The following CSRP1 variants were observed in gnomAD, a reference collection of about 807,000 sequenced individuals.
The protein encoded by CSRP1 is cysteine and glycine-rich protein 1.
Under a neutral mutation model 25.4 loss-of-function variants are expected in CSRP1, and 16 were observed. The observed-to-expected ratio is 0.63, with a 90% CI of 0.43 to 0.96. The LOEUF (loss-of-function observed/expected upper bound fraction) is 0.96, where lower values mean the gene tolerates loss of function less well. Ranked by LOEUF, CSRP1 falls within the 40% of genes least tolerant of loss-of-function variation. The pLI, the probability that CSRP1 is intolerant of heterozygous loss-of-function variation, is 0.00. For synonymous variants in CSRP1, 97 were observed against 95.3 expected, an observed-to-expected ratio of 1.02 and a Z score of -0.10; for missense variants, 212 against 243.6, an observed-to-expected ratio of 0.87 and a Z score of 0.86.
intron 1 of CSRP1, among the ~76,000 whole-genome samples, chr1:201,498,898 C>G (rs1211602090): frequency 6.6e-6 from 1 of 152,200 alleles, no homozygotes; most frequent in Non-Finnish European, 1.5e-5. Context: ...GCTGGGGGAT[C>G]TAGGTAGACC....
intron 1 of CSRP1, among the ~76,000 whole-genome samples, chr1:201,503,063 T>G (rs931180208): frequency 6.6e-6 from 1 of 152,036 alleles, no homozygotes; most frequent in African/African-American, 2.4e-5. Flanking sequence ...GGAGAATTGC[T>G]TGAACCCGGA....
At chr1:201,505,022 C>A (rs1191742676) in intron 1 of CSRP1, among the ~76,000 whole-genome samples, 2 of 152,174 alleles carry the variant, frequency 1.3e-5, no homozygotes, top group Non-Finnish European at 2.9e-5. Context: ...ATCGCTTGAA[C>A]CCAGGAGGCA....
At chr1:201,504,279 A>T (rs1664749160) in intron 1 of CSRP1, among the ~76,000 whole-genome samples, 1 of 152,214 alleles carries the variant, frequency 6.6e-6, no homozygotes, top group African/African-American at 2.4e-5. Context: ...TAAAATGGAG[A>T]GCATCAGTAG....
Position 201,485,317 on chromosome 1 carries a change from G to T in CSRP1, c.471C>A (p.Thr157=). 3 of 1,614,166 alleles carry T rather than the reference G, an allele frequency of 1.9e-6. No individual in the cohort carries two copies. The highest frequency in any genetic ancestry group is 2.5e-6 in the Non-Finnish European group (3 of 1,180,012). ...AAATCTCGCCATCCTTGTCTGCCAG[G>T]GTGGTTGACTCAAGGCCTTTGCCAC... The part of the protein sequence containing the change: ...AKCGKGLEST[T]LADKDGEIYC... The change falls in exon 5 of 6, where the codon ACC becomes ACA. Residue 157 remains threonine, a synonymous_variant. Transcript: ENST00000340006.
At chr1:201,491,699 C>T (rs1329994988) in intron 2 of CSRP1, 2 of 152,232 alleles carry the variant, frequency 1.3e-5, no homozygotes, top group Non-Finnish European at 2.9e-5. Context: ...TTTACTTGTC[C>T]TGTAATCCTA....
At chr1:201,492,489 A>C (rs924551812) in intron 2 of CSRP1, 21 of 152,176 alleles carry the variant, frequency 1.4e-4, no homozygotes, top group African/African-American at 5.1e-4. Flanking sequence ...GGGAATTTTA[A>C]AGGCAGGCCT....
At chr1:201,498,997 G>A (rs953967245) in intron 1 of CSRP1, among the ~76,000 whole-genome samples, 6 of 152,216 alleles carry the variant, frequency 3.9e-5, no homozygotes, top group South Asian at 2.1e-4. Context: ...GACATGCCCC[G>A]CAGGAATTTC....
In CSRP1 at chr1:201,484,609, G is replaced by T; in HGVS notation, c.*104C>A. 2.7e-6 allele frequency: 3 copies of T among 1,096,706 alleles called. No individual in the cohort carries two copies. The highest frequency in any genetic ancestry group is 4.0e-6 in the Non-Finnish European group (3 of 748,332). 67.9% of individuals were successfully genotyped at this position (1,096,706 alleles called of 1,614,324 possible). On this transcript the variant is annotated 3_prime_UTR_variant, in exon 6 of 6. Coordinates refer to ENST00000340006, the MANE Select transcript of CSRP1 (RefSeq NM_004078.3). The stretch of plus-strand genomic sequence containing the variant: ...AAGTTCAAGTCATTAGTGATATGTG[G>T]CAGGGCTGACAGAGAAATAATCCTG...
chr1:201,491,310 A>C (rs1489750185), intron 2 of CSRP1: 1 of 152,170 alleles, frequency 6.6e-6, no homozygotes, highest in Non-Finnish European at 1.5e-5. Flanking sequence ...TAAAAATAAA[A>C]ATAAAGTTAA....
chr1:201,485,678 C>A, intron 4 of CSRP1: 1 of 386,578 alleles, frequency 2.6e-6, no homozygotes, highest in Non-Finnish European at 4.8e-6. Context: ...AGCTGTTACC[C>A]CACTGGCTGG....
At chr1:201,496,325 G>A in intron 1 of CSRP1, 21 bp from the exon 2 acceptor site, 12 of 1,563,400 alleles carry the variant, frequency 7.7e-6, no homozygotes, top group Non-Finnish European at 1.1e-5. Flanking sequence ...ACACAGAAAT[G>A]GGAATTAATT....
intron 1 of CSRP1, among the ~76,000 whole-genome samples, chr1:201,500,531 G>A (rs1339623605): frequency 6.6e-6 from 1 of 152,274 alleles, no homozygotes; most frequent in Non-Finnish European, 1.5e-5. Context: ...TAGGGCGAGG[G>A]TGGGGGGTCT....
At chr1:201,494,827 C>CGT (rs770766185) in intron 2 of CSRP1, among the ~76,000 whole-genome samples, 3 of 126,824 alleles carry the variant, frequency 2.4e-5, no homozygotes, top group East Asian at 2.3e-4. Context: ...CAGCAGTGTG[C>CGT]GTGTGTGTGT....
chr1:201,484,160 CTG>C lies in CSRP1; in HGVS notation c.*551_*552del. 1.3e-5 allele frequency: 8 copies of C among 631,302 alleles called. No individual in the cohort carries two copies. The highest frequency in any genetic ancestry group is 2.1e-5 in the Non-Finnish European group (7 of 340,392). 39.1% of individuals were successfully genotyped at this position (631,302 alleles called of 1,614,324 possible). A position where few individuals can be genotyped will look rare whatever the true frequency, so the allele number is the denominator to read the frequency against. ...TGGAGAAGCAGGGGCTCCTAGGACC[CTG>C]CCTGCATGCCTCTCTGCCTCCAATA... On this transcript the variant is annotated 3_prime_UTR_variant, in exon 6 of 6. Transcript: ENST00000340006.
intron 4 of CSRP1, chr1:201,487,159 C>T (rs557562315): frequency 2.4e-6 from 1 of 410,344 alleles, no homozygotes; most frequent in Admixed American, 4.1e-5. Context: ...CACCTGTAAT[C>T]CCAGCACTTT....
At chr1:201,498,108 T>C (rs557650906) in intron 1 of CSRP1, among the ~76,000 whole-genome samples, 3 of 152,172 alleles carry the variant, frequency 2.0e-5, no homozygotes, top group South Asian at 4.2e-4. Flanking sequence ...TTGGCACATA[T>C]ACAGCACACA....
chr1:201,497,965 G>A (rs1203974133), intron 1 of CSRP1, among the ~76,000 whole-genome samples: 1 of 151,806 alleles, frequency 6.6e-6, no homozygotes, highest in East Asian at 1.9e-4. Flanking sequence ...AGTCGAGATC[G>A]CGCCATTGCA....
At chr1:201,490,449 A>G in intron 2 of CSRP1, 105 bp from the exon 3 acceptor site, 1 of 1,170,684 alleles carries the variant, frequency 8.5e-7, no homozygotes, top group South Asian at 1.4e-5. Flanking sequence ...CTTTGCATAC[A>G]TAATATCCTG....
Position 201,490,179 on chromosome 1 carries a change from T to C in CSRP1, c.278A>G (p.Glu93Gly), listed in dbSNP as rs1664288928. The part of the protein sequence containing the change: ...DKGESLGIKH[E>G]EAPGHRPTTN... ...TGGGAGGGGATCTTTTACTCACTCC[T>C]CGTGCTTGATACCCAGCGACTCCCC... The change falls in exon 3 of 6, where the codon GAG becomes GGG. Residue 93 changes from glutamate (E) to glycine (G), a missense_variant. By Grantham distance (98) the Glu-to-Gly change is moderately conservative. Coordinates refer to ENST00000340006, the MANE Select transcript of CSRP1 (RefSeq NM_004078.3). 6.2e-7 allele frequency: 1 copy of C among 1,613,046 alleles called. No homozygotes were observed. The highest frequency in any genetic ancestry group is 8.5e-7 in the Non-Finnish European group (1 of 1,179,250).
Sources: gnomAD v4.1 joint callset for allele counts (sites outside exome capture counted in the v4.1 genomes callset) on GRCh38, gnomAD v4.1.1 for gene constraint, MANE v1.5 for transcripts, NCBI Gene and HGNC (gene_info 2026-07-23, HGNC 2026-07-21) for gene names.